LHFPL3: variants seen among roughly 807,000 people sequenced by gnomAD.
The protein encoded by LHFPL3 is LHFPL tetraspan subfamily member 3, also known as LHFPL tetraspan subfamily member 3 protein.
LHFPL3 carries 5 observed loss-of-function variants against 19.3 expected under a neutral mutation model. The observed-to-expected ratio is 0.26, with a 90% CI of 0.14 to 0.54. The LOEUF is 0.54. Ranked by LOEUF, LHFPL3 falls within the 20% of genes least tolerant of loss-of-function variation. The pLI is 0.94. For missense variants in LHFPL3, 249 were observed against 307.4 expected (o/e 0.81, Z 1.42); for synonymous variants, 133 against 126.2 (o/e 1.05, Z -0.36).
intron 1 of LHFPL3, among the ~76,000 whole-genome samples, chr7:104,388,777 G>C (rs2116466721): frequency 6.6e-6 from 1 of 152,018 alleles, no homozygotes; most frequent in Admixed American, 6.6e-5. Context: ...CAAAAAACAT[G>C]ATTACTTTCA....
chr7:104,718,392 CG>C (rs1793430679), intron 1 of LHFPL3, among the ~76,000 whole-genome samples: 1 of 152,110 alleles, frequency 6.6e-6, no homozygotes, highest in South Asian at 2.1e-4. Context: ...TATTTCCAAA[CG>C]GGTCTTTTGG....
At chr7:104,725,323 C>T (rs1432882603) in intron 1 of LHFPL3, among the ~76,000 whole-genome samples, 1 of 152,190 alleles carries the variant, frequency 6.6e-6, no homozygotes, top group East Asian at 1.9e-4. Context: ...GTGAAGTTGT[C>T]CTATAATGTT....
chr7:104,674,364 T>A (rs1053764383), intron 1 of LHFPL3, among the ~76,000 whole-genome samples: 2 of 150,660 alleles, frequency 1.3e-5, no homozygotes, highest in Non-Finnish European at 2.9e-5. Flanking sequence ...GTTTTTCTTT[T>A]TCTTTTTCTT....
chr7:104,368,347 A>G (rs1273038221), intron 1 of LHFPL3, among the ~76,000 whole-genome samples: 1 of 152,162 alleles, frequency 6.6e-6, no homozygotes, highest in African/African-American at 2.4e-5. Context: ...AGGAAGTATG[A>G]GGGAGACAAA....
At chr7:104,550,281 A>G (rs1044936375) in intron 1 of LHFPL3, among the ~76,000 whole-genome samples, 20 of 152,200 alleles carry the variant, frequency 1.3e-4, no homozygotes, top group African/African-American at 4.6e-4. Context: ...ATGCCTGACC[A>G]AATACCTGGG....
chr7:104,703,137 T>C (rs1204208903), intron 1 of LHFPL3, among the ~76,000 whole-genome samples: 5 of 152,258 alleles, frequency 3.3e-5, no homozygotes, highest in Non-Finnish European at 7.3e-5. Context: ...TCTGGTCTTT[T>C]CAAATCAAGA....
chr7:104,601,906 C>G (rs572776606), intron 1 of LHFPL3, among the ~76,000 whole-genome samples: 59 of 152,076 alleles, frequency 3.9e-4, no homozygotes, highest in Middle Eastern at 6.3e-3. Context: ...CAAGGTGGGA[C>G]CTACCCAGAC....
intron 1 of LHFPL3, among the ~76,000 whole-genome samples, chr7:104,472,377 G>T (rs936452340): frequency 2.6e-5 from 4 of 152,114 alleles, no homozygotes; most frequent in Non-Finnish European, 1.5e-5. Flanking sequence ...ATCCTCAAAG[G>T]CTACTTCATT....
At chr7:104,390,111 A>C (rs1332769992) in intron 1 of LHFPL3, among the ~76,000 whole-genome samples, 1 of 151,876 alleles carries the variant, frequency 6.6e-6, no homozygotes, top group Non-Finnish European at 1.5e-5. Context: ...TATATCTGTT[A>C]AGGGTCTAGT....
At chr7:104,750,382 C>T (rs1223896707) in intron 2 of LHFPL3, among the ~76,000 whole-genome samples, 46 of 152,244 alleles carry the variant, frequency 3.0e-4, no homozygotes, top group Non-Finnish European at 2.9e-5. Context: ...TCCAAACCCT[C>T]CTATTCTTTT....
chr7:104,443,036 G>A (rs1404357815), intron 1 of LHFPL3, among the ~76,000 whole-genome samples: 1 of 152,060 alleles, frequency 6.6e-6, no homozygotes, highest in Non-Finnish European at 1.5e-5. Context: ...GCATTATCTT[G>A]GAAGAGTACC....
In LHFPL3 at chr7:104,450,911, C is replaced by T. The variant is rs917475975; in HGVS notation, c.445+121687C>T. 9.2e-5 allele frequency among the ~76,000 whole-genome samples: 14 copies of T among 152,256 alleles called. 1 individual carries two copies. The highest frequency in any genetic ancestry group is 6.5e-4 in the Admixed American group (10 of 15,284). ...TTCTCAGTGAGCTTTTTAGCGCTTT[C>T]GCTGTCTCTGAAAAGCCTTCACTAA... On this transcript the variant is annotated intron_variant, in intron 1 of 2. Transcript: ENST00000424859.
intron 1 of LHFPL3, among the ~76,000 whole-genome samples, chr7:104,346,554 A>G (rs1325812173): frequency 1.3e-5 from 2 of 152,118 alleles, no homozygotes; most frequent in Non-Finnish European, 2.9e-5. Context: ...ATGACTACTC[A>G]AAACTCATGA....
intron 2 of LHFPL3, among the ~76,000 whole-genome samples, chr7:104,824,621 A>G (rs1164658642): frequency 4.0e-5 from 3 of 74,130 alleles, no homozygotes; most frequent in Non-Finnish European, 6.9e-5. Context: ...TATATATATT[A>G]TTTTATATAT....
intron 1 of LHFPL3, among the ~76,000 whole-genome samples, chr7:104,614,937 A>G (rs1247543737): frequency 6.6e-6 from 1 of 151,486 alleles, no homozygotes; most frequent in Non-Finnish European, 1.5e-5. Flanking sequence ...ATTTTTTCAT[A>G]GAGATAGAGG....
intron 1 of LHFPL3, among the ~76,000 whole-genome samples, chr7:104,455,774 A>T (rs1430796105): frequency 6.6e-6 from 1 of 152,350 alleles, no homozygotes; most frequent in East Asian, 1.9e-4. Flanking sequence ...TTAGCAGCTC[A>T]TGACAATGAC....
At chr7:104,807,009 A>ATGTG (rs750104248) in intron 2 of LHFPL3, among the ~76,000 whole-genome samples, 232 of 71,328 alleles carry the variant, frequency 3.3e-3, no homozygotes, top group Non-Finnish European at 2.0e-3. Context: ...ACCAAAATAT[A>ATGTG]TATGTGTGTG....
intron 1 of LHFPL3, among the ~76,000 whole-genome samples, chr7:104,459,395 G>T (rs1792613411): frequency 6.6e-6 from 1 of 152,156 alleles, no homozygotes; most frequent in South Asian, 2.1e-4. Flanking sequence ...CTTGGGCATT[G>T]GACTTGATTC....
chr7:104,603,101 TC>T (rs1791009240), intron 1 of LHFPL3, among the ~76,000 whole-genome samples: 5 of 139,834 alleles, frequency 3.6e-5, no homozygotes, highest in African/African-American at 1.4e-4. Flanking sequence ...TTTCTTTCTT[TC>T]TTTCTTTCTT....
Sources: gnomAD v4.1 joint callset for allele counts (sites outside exome capture counted in the v4.1 genomes callset) on GRCh38, gnomAD v4.1.1 for gene constraint, MANE v1.5 for transcripts, NCBI Gene and HGNC (gene_info 2026-07-23, HGNC 2026-07-21) for gene names.